PLPP3: variants seen among roughly 807,000 people sequenced by gnomAD.
PLPP3 encodes the protein PAP2 beta.
Under a neutral mutation model 29.6 loss-of-function variants are expected in PLPP3, and 6 were observed. The observed-to-expected ratio is 0.20, with a 90% CI of 0.11 to 0.40. PLPP3 has a LOEUF of 0.40. Among genes scored for constraint, PLPP3 ranks in the 10% least tolerant of loss-of-function variants. The pLI is 1.00. For missense variants in PLPP3, 308 were observed against 407.7 expected (o/e 0.76, Z 2.11); for synonymous variants, 152 against 159.7 (o/e 0.95, Z 0.36).
intron 1 of PLPP3, among the ~76,000 whole-genome samples, chr1:56,539,932 C>T (rs540571150): frequency 1.3e-5 from 2 of 152,272 alleles, no homozygotes; most frequent in South Asian, 2.1e-4. Context: ...TGCTAATAAA[C>T]TCAGGAAGGG....
intron 1 of PLPP3, among the ~76,000 whole-genome samples, chr1:56,564,532 C>T (rs1181509091): frequency 2.0e-5 from 3 of 152,158 alleles, no homozygotes; most frequent in Admixed American, 6.5e-5. Flanking sequence ...CCTTGGATTT[C>T]ACAGCTAGGG....
chr1:56,537,309 C>G (rs566232383), intron 1 of PLPP3, among the ~76,000 whole-genome samples, 197 bp from the exon 2 acceptor site: 1 of 152,084 alleles, frequency 6.6e-6, no homozygotes, highest in Non-Finnish European at 1.5e-5. Flanking sequence ...CCTTTCCACA[C>G]CCCCATGAGG....
intron 1 of PLPP3, among the ~76,000 whole-genome samples, chr1:56,548,325 A>G (rs1646018359): frequency 6.6e-6 from 1 of 152,222 alleles, no homozygotes; most frequent in Admixed American, 6.5e-5. Flanking sequence ...GAAAGCTGAA[A>G]AGTTTGAAGT....
chr1:56,499,708 C>CT (rs1003779017), intron 5 of PLPP3, among the ~76,000 whole-genome samples: 6 of 151,984 alleles, frequency 3.9e-5, no homozygotes, highest in South Asian at 2.1e-4. Flanking sequence ...TACACAAACA[C>CT]TTTTTTTTGG....
intron 5 of PLPP3, among the ~76,000 whole-genome samples, chr1:56,507,402 G>A (rs895281871): frequency 1.3e-5 from 2 of 152,196 alleles, no homozygotes; most frequent in South Asian, 2.1e-4. Flanking sequence ...TTTACCCAAT[G>A]CTGATGAAGC....
At position 56,578,776 on chromosome 1, in the gene PLPP3, A is replaced by ACGGCG. The variant is rs558546484; in HGVS notation, c.139+97_139+101dup. 1,631 of 1,218,284 alleles carry ACGGCG rather than the reference A, an allele frequency of 1.3e-3. 14 individuals are homozygous for ACGGCG. In the African/African-American group the frequency reaches 0.015, roughly 11 times the overall value. The allele number at this position is 1,218,284 out of a possible 1,614,324, so 75.5% of individuals were successfully genotyped here. ...AGGCTGCGGGGGCCCCCCGGAGCTG[A>ACGGCG]CGGCGCGGCGCGGCGCGGCGCTGCG... On this transcript the variant is annotated intron_variant, in intron 1 of 5. Transcript: ENST00000371250.
At position 56,578,982 on chromosome 1, in the gene PLPP3, G is replaced by C. The variant is rs778010038; in HGVS notation, c.35C>G (p.Pro12Arg). Residue 12 changes from proline to arginine, a missense_variant, in exon 1 of 6, where the codon CCG (proline) becomes CGG (arginine). Around this residue, in one of 3 missense-constraint regions of PLPP3, gnomAD observed 67 missense variants for 61.3 expected, o/e 1.09. Transcript: ENST00000371250. ...CGGGCTGCCGCCGTTCTTGCTCTCC[G>C]GGACGATCGCTTTGTCGTACTTGTA... ...QNYKYDKAIV[P>R]ESKNGGSPAL... is the part of the protein sequence containing the mutation. The C allele has an allele frequency of 1.2e-5, 20 of 1,602,222 alleles. No homozygotes were observed. The highest frequency in any genetic ancestry group is 1.7e-5 in the Non-Finnish European group (20 of 1,175,334).
chr1:56,552,814 T>C (rs1038477571), intron 1 of PLPP3, among the ~76,000 whole-genome samples: 1 of 152,122 alleles, frequency 6.6e-6, no homozygotes, highest in Non-Finnish European at 1.5e-5. Context: ...GGCTTCAAGA[T>C]ACAGGAGAAA....
intron 5 of PLPP3, among the ~76,000 whole-genome samples, chr1:56,501,062 A>G (rs1438305596): frequency 6.7e-6 from 1 of 148,980 alleles, no homozygotes; most frequent in African/African-American, 2.5e-5. Flanking sequence ...ATGGAGACGG[A>G]GTCAAAAAGC....
chr1:56,549,608 T>C (rs1221242874), intron 1 of PLPP3, among the ~76,000 whole-genome samples: 3 of 152,226 alleles, frequency 2.0e-5, no homozygotes, highest in Non-Finnish European at 2.9e-5. Context: ...TTCATTTCCA[T>C]AGCATCTTTA....
At chr1:56,523,930 A>G in intron 3 of PLPP3, 50 bp from the exon 4 acceptor site, 1 of 1,579,742 alleles carries the variant, frequency 6.3e-7, no homozygotes, top group East Asian at 2.2e-5. Flanking sequence ...CATCCCTGAT[A>G]CACACTTGTC....
rs1188314872 is a variant in PLPP3, at chr1:56,501,561, T to C, written c.811-4885A>G. On this transcript the variant is annotated intron_variant, in intron 5 of 5. Transcript: ENST00000371250. The stretch of plus-strand genomic sequence containing the variant: ...ACCATCAATCTACTTTCTGTTTCTA[T>C]GGATTTATCTGTGGGGAAGTGATTC... Among the ~76,000 whole-genome samples the C allele has an allele frequency of 2.6e-5, 4 of 152,294 alleles. No homozygotes were observed. In the East Asian group the frequency reaches 5.8e-4, roughly 22 times the overall value.
At chr1:56,520,355 C>T (rs1035547936) in intron 4 of PLPP3, among the ~76,000 whole-genome samples, 12 of 152,006 alleles carry the variant, frequency 7.9e-5, no homozygotes. Flanking sequence ...GTGATTCTCC[C>T]CAACACCCCA....
At chr1:56,542,395 G>A (rs1427769170) in intron 1 of PLPP3, among the ~76,000 whole-genome samples, 1 of 152,152 alleles carries the variant, frequency 6.6e-6, no homozygotes, top group African/African-American at 2.4e-5. Context: ...TTCTCACAAA[G>A]TGCTTTTTAG....
In PLPP3 at chr1:56,496,327, C is replaced by T; in HGVS notation, c.*224G>A. 2.2e-6 allele frequency: 1 copy of T among 444,486 alleles called. No homozygotes were observed. The highest frequency in any genetic ancestry group is 4.1e-6 in the Non-Finnish European group (1 of 243,486). The allele number at this position is 444,486 out of a possible 1,614,324, so 27.5% of individuals were successfully genotyped here. ...AGAACATGAACACTTAAACCAATTG[C>T]ACATCCAGGACTCTGGCACTTGGTG... On this transcript the variant is annotated 3_prime_UTR_variant, in exon 6 of 6. Coordinates refer to ENST00000371250, the MANE Select transcript of PLPP3 (RefSeq NM_003713.5).
rs1372249439 is a variant in PLPP3 at position 56,578,954 on chromosome 1, C to A, written c.63G>T (p.Ala21=). ...VPESKNGGSP[A]LNNNPRRSGS... ...CGCTCCTCCTCGGGTTGTTGTTGAGCGCCGGGCTGCCGCCGTTCTTGCTCT... is the reference window on the plus strand; with the variant it reads ...CGCTCCTCCTCGGGTTGTTGTTGAGAGCCGGGCTGCCGCCGTTCTTGCTCT... Residue 21 remains alanine, a synonymous_variant, in exon 1 of 6, where the codon GCG becomes GCT. Transcript: ENST00000371250. The A allele has an allele frequency of 1.9e-6, 3 of 1,603,166 alleles. No homozygotes were observed. Among genetic ancestry groups the A allele is most frequent in the South Asian group, 2.2e-5 (2 of 90,426 alleles).
At chr1:56,571,564 T>G (rs1447163247) in intron 1 of PLPP3, among the ~76,000 whole-genome samples, 1 of 152,198 alleles carries the variant, frequency 6.6e-6, no homozygotes, top group Admixed American at 6.5e-5. Context: ...TTCCAAATTC[T>G]AAAGATTCCA....
intron 1 of PLPP3, among the ~76,000 whole-genome samples, chr1:56,560,298 T>C (rs1646113138): frequency 6.6e-6 from 1 of 152,222 alleles, no homozygotes; most frequent in Non-Finnish European, 1.5e-5. Context: ...TATAAAATTG[T>C]TCAGGTGCTT....
chr1:56,514,961 C>A (rs1305174902), intron 4 of PLPP3, among the ~76,000 whole-genome samples: 1 of 152,176 alleles, frequency 6.6e-6, no homozygotes, highest in Non-Finnish European at 1.5e-5. Context: ...CTAGCTCCAA[C>A]TCAACACAAG....
Sources: gnomAD v4.1 joint callset for allele counts (sites outside exome capture counted in the v4.1 genomes callset) on GRCh38, gnomAD v4.1.1 for gene constraint, gnomAD v4.1.1 regional missense constraint, MANE v1.5 for transcripts, NCBI Gene and HGNC (gene_info 2026-07-23, HGNC 2026-07-21) for gene names.